SLC7A1: variants seen among roughly 807,000 people sequenced by gnomAD.
SLC7A1 encodes the protein high affinity cationic amino acid transporter 1.
SLC7A1 carries 10 observed loss-of-function variants against 53.9 expected under a neutral mutation model. The ratio of observed to expected loss-of-function variants is 0.19; its 90% CI spans 0.11 to 0.31. SLC7A1 has a LOEUF of 0.31. Among genes scored for constraint, SLC7A1 ranks in the 10% least tolerant of loss-of-function variants. The pLI, the probability that SLC7A1 is intolerant of heterozygous loss-of-function variation, is 1.00. For missense variants in SLC7A1, 525 were observed against 827.2 expected, an observed-to-expected ratio of 0.63 and a Z score of 4.48; for synonymous variants, 342 against 338.7, an observed-to-expected ratio of 1.01 and a Z score of -0.11.
chr13:29,529,184 A>T (rs1268604859), intron 5 of SLC7A1, among the ~76,000 whole-genome samples: 2 of 152,202 alleles, frequency 1.3e-5, no homozygotes, highest in Non-Finnish European at 2.9e-5. Flanking sequence ...GAGTTTAGGA[A>T]AGCAGTTTTA....
intron 1 of SLC7A1, among the ~76,000 whole-genome samples, chr13:29,590,715 C>T (rs915841640): frequency 6.6e-6 from 1 of 152,222 alleles, no homozygotes; most frequent in Non-Finnish European, 1.5e-5. Context: ...GGGACTATGT[C>T]TGCCCCTTCT....
intron 2 of SLC7A1, among the ~76,000 whole-genome samples, chr13:29,550,749 T>C (rs1301670965): frequency 6.6e-6 from 1 of 151,158 alleles, no homozygotes; most frequent in Admixed American, 6.6e-5. Context: ...ACCCCAAGCA[T>C]AGGCGCCAGC....
At chr13:29,518,102 A>T (rs900900655) in intron 9 of SLC7A1, among the ~76,000 whole-genome samples, 10 of 152,196 alleles carry the variant, frequency 6.6e-5, no homozygotes, top group African/African-American at 2.2e-4. Context: ...TCAGATGCTA[A>T]AGATACTAGG....
chr13:29,532,581 G>C (rs1869211298), intron 4 of SLC7A1, among the ~76,000 whole-genome samples: 1 of 152,184 alleles, frequency 6.6e-6, no homozygotes, highest in African/African-American at 2.4e-5. Flanking sequence ...AAACACCTAA[G>C]ATTCTCTTTT....
chr13:29,543,270 G>A (rs1259949697), intron 2 of SLC7A1, among the ~76,000 whole-genome samples: 1 of 152,242 alleles, frequency 6.6e-6, no homozygotes, highest in Non-Finnish European at 1.5e-5. Flanking sequence ...CAGAGGCACA[G>A]AGCCATTTGG....
intron 1 of SLC7A1, among the ~76,000 whole-genome samples, chr13:29,568,345 T>C (rs1039250964): frequency 7.9e-5 from 12 of 152,312 alleles, no homozygotes; most frequent in African/African-American, 2.4e-4. Context: ...CACGACGATG[T>C]ATTACTCTCA....
At chr13:29,548,539 A>T (rs563332629) in intron 2 of SLC7A1, among the ~76,000 whole-genome samples, 13 of 152,284 alleles carry the variant, frequency 8.5e-5, no homozygotes, top group African/African-American at 3.1e-4. Flanking sequence ...TTAGAAGCAA[A>T]AGTTTTAAGC....
chr13:29,568,635 C>T (rs181612916), intron 1 of SLC7A1, among the ~76,000 whole-genome samples: 6 of 152,312 alleles, frequency 3.9e-5, no homozygotes, highest in East Asian at 1.9e-4. Context: ...CACACAATGG[C>T]GCTTCGCCCA....
intron 1 of SLC7A1, among the ~76,000 whole-genome samples, chr13:29,578,972 A>C (rs1871528606): frequency 6.6e-6 from 1 of 152,190 alleles, no homozygotes; most frequent in African/African-American, 2.4e-5. Flanking sequence ...GTCCCTCAGG[A>C]GGGCAGAAGA....
chr13:29,581,757 C>T lies in SLC7A1; in HGVS notation c.-115+13659G>A, dbSNP rs567558592. Reference sequence around the variant, plus strand: ...CCTCATCTGCCCATTAATTAGAAAGCTCCTGACATCTGCCTCTTCCATTAA... The same window carrying T: ...CCTCATCTGCCCATTAATTAGAAAGTTCCTGACATCTGCCTCTTCCATTAA... On this transcript the variant is annotated intron_variant, in intron 1 of 12. Transcript: ENST00000380752. 3.9e-5 allele frequency among the ~76,000 whole-genome samples: 6 copies of T among 152,356 alleles called. No individual in the cohort carries two copies. In the South Asian group the frequency reaches 1.2e-3, roughly 32 times the overall value.
intron 1 of SLC7A1, among the ~76,000 whole-genome samples, chr13:29,583,038 G>A (rs910500027): frequency 5.3e-5 from 8 of 152,090 alleles, no homozygotes; most frequent in African/African-American, 1.9e-4. Flanking sequence ...GAAACAATAC[G>A]CTCCAGTTAG....
chr13:29,570,349 G>A (rs1255892836), intron 1 of SLC7A1, among the ~76,000 whole-genome samples: 2 of 152,184 alleles, frequency 1.3e-5, no homozygotes, highest in Non-Finnish European at 2.9e-5. Flanking sequence ...ATTTGCTCAC[G>A]GAACTGATGA....
intron 2 of SLC7A1, among the ~76,000 whole-genome samples, chr13:29,543,862 T>C (rs1405090587): frequency 3.3e-5 from 5 of 151,178 alleles, no homozygotes; most frequent in Non-Finnish European, 7.4e-5. Context: ...GGCGGGGACA[T>C]GCGGGGAGGA....
chr13:29,547,250 A>G (rs1314960788), intron 2 of SLC7A1, among the ~76,000 whole-genome samples: 1 of 152,232 alleles, frequency 6.6e-6, no homozygotes, highest in Non-Finnish European at 1.5e-5. Context: ...CCGTGGAGTG[A>G]ATCAACGTAA....
At chr13:29,551,391 C>G (rs1309484652) in intron 2 of SLC7A1, among the ~76,000 whole-genome samples, 1 of 152,192 alleles carries the variant, frequency 6.6e-6, no homozygotes, top group Non-Finnish European at 1.5e-5. Flanking sequence ...ACTATGTTAC[C>G]ATCTGGCACC....
intron 10 of SLC7A1, 97 bp downstream of exon 10, chr13:29,517,476 G>A (rs1593538632): frequency 1.6e-6 from 2 of 1,237,138 alleles, no homozygotes; most frequent in African/African-American, 1.5e-5. Context: ...CAAGACAGAT[G>A]CTCATCTTCT....
intron 1 of SLC7A1, among the ~76,000 whole-genome samples, chr13:29,575,050 A>G (rs1319797318): frequency 6.6e-6 from 1 of 152,206 alleles, no homozygotes; most frequent in African/African-American, 2.4e-5. Flanking sequence ...AAATGAACAA[A>G]AACACCTGTT....
chr13:29,579,921 A>T (rs280932), intron 1 of SLC7A1, among the ~76,000 whole-genome samples: 1 of 152,258 alleles, frequency 6.6e-6, no homozygotes. Context: ...GGTCTCTGTC[A>T]TCGTCCTCCT....
chr13:29,586,219 T>G, intron 1 of SLC7A1, among the ~76,000 whole-genome samples: 1 of 152,236 alleles, frequency 6.6e-6, no homozygotes, highest in East Asian at 1.9e-4. Context: ...CTACCAGAAC[T>G]GAGCTGCTAG....
Sources: allele counts gnomAD v4.1 joint callset (sites outside exome capture counted in the v4.1 genomes callset), GRCh38; gene constraint gnomAD v4.1.1; transcripts MANE v1.5; gene names NCBI Gene and HGNC (gene_info 2026-07-23, HGNC 2026-07-21).